Variants in PHKB observed in about 807,000 individuals in gnomAD.
PHKB encodes the protein phosphorylase kinase regulatory subunit beta.
Under a neutral mutation model 152.1 loss-of-function variants are expected in PHKB, and 122 were observed. The observed-to-expected ratio is 0.80, with a 90% CI of 0.69 to 0.93. PHKB has a LOEUF of 0.93. Ranked by LOEUF, PHKB falls within the 40% of genes least tolerant of loss-of-function variation. The pLI, the probability that PHKB is intolerant of heterozygous loss-of-function variation, is 0.00. For missense variants in PHKB, 1,304 were observed against 1,328.4 expected, an observed-to-expected ratio of 0.98 and a Z score of 0.29; for synonymous variants, 436 against 464.9, an observed-to-expected ratio of 0.94 and a Z score of 0.80.
intron 14 of PHKB, among the ~76,000 whole-genome samples, chr16:47,618,523 T>G (rs1318494315): frequency 6.6e-6 from 1 of 152,174 alleles, no homozygotes; most frequent in Admixed American, 6.5e-5. Context: ...GAGTAGATAT[T>G]TACTAAATAA....
chr16:47,599,933 A>G (rs1972192321), intron 13 of PHKB, among the ~76,000 whole-genome samples: 1 of 152,214 alleles, frequency 6.6e-6, no homozygotes, highest in Non-Finnish European at 1.5e-5. Context: ...GATTTTCATT[A>G]AGATTCCAGA....
At chr16:47,667,196 C>T (rs1973553590) in intron 25 of PHKB, among the ~76,000 whole-genome samples, 1 of 151,906 alleles carries the variant, frequency 6.6e-6, no homozygotes, top group Non-Finnish European at 1.5e-5. Context: ...ACTTTGGGGG[C>T]CAAGGCGGGA....
At chr16:47,531,261 T>A (rs1246809221) in intron 6 of PHKB, among the ~76,000 whole-genome samples, 1 of 152,216 alleles carries the variant, frequency 6.6e-6, no homozygotes, top group East Asian at 1.9e-4. Context: ...ATAAAAGATA[T>A]TGGAAGCCAC....
At chr16:47,569,169 A>G (rs1419460559) in intron 7 of PHKB, among the ~76,000 whole-genome samples, 2 of 152,198 alleles carry the variant, frequency 1.3e-5, no homozygotes, top group African/African-American at 4.8e-5. Context: ...TCTTAGGTCT[A>G]GCAGAATTTG....
At chr16:47,605,248 C>G (rs943749577) in intron 13 of PHKB, among the ~76,000 whole-genome samples, 3 of 152,108 alleles carry the variant, frequency 2.0e-5, no homozygotes, top group Non-Finnish European at 4.4e-5. Context: ...TACTGGGCAT[C>G]ATGTATAAGA....
intron 7 of PHKB, among the ~76,000 whole-genome samples, chr16:47,573,981 G>A (rs1971707683): frequency 6.6e-6 from 1 of 152,054 alleles, no homozygotes; most frequent in Admixed American, 6.5e-5. Flanking sequence ...TTGCAGTGGT[G>A]CGATCTTGGC....
At chr16:47,614,245 A>T (rs1972477886) in intron 14 of PHKB, among the ~76,000 whole-genome samples, 1 of 152,126 alleles carries the variant, frequency 6.6e-6, no homozygotes, top group Non-Finnish European at 1.5e-5. Context: ...ATGGTGCTAA[A>T]CCATTCATGA....
At chr16:47,552,878 A>G (rs546705068) in intron 7 of PHKB, among the ~76,000 whole-genome samples, 11 of 152,242 alleles carry the variant, frequency 7.2e-5, no homozygotes, top group African/African-American at 2.2e-4. Context: ...CTCTCCTGGC[A>G]TGTAGGGTTT....
chr16:47,693,545 T>G (rs1974099662), intron 28 of PHKB, 38 bp downstream of exon 28: 2 of 1,609,686 alleles, frequency 1.2e-6, no homozygotes, highest in East Asian at 4.5e-5. Flanking sequence ...AAAGGAGACT[T>G]CGCAAAGGGT....
At chr16:47,619,240 A>G (rs1972575583) in intron 14 of PHKB, 1 of 152,236 alleles carries the variant, frequency 6.6e-6, no homozygotes, top group Non-Finnish European at 1.5e-5. Flanking sequence ...GAAGGAGGGA[A>G]TGTCAAGCAT....
At chr16:47,563,416 TCTC>T (rs1971509512) in intron 7 of PHKB, among the ~76,000 whole-genome samples, 2 of 152,118 alleles carry the variant, frequency 1.3e-5, no homozygotes, top group East Asian at 3.9e-4. Flanking sequence ...AAAACATTAA[TCTC>T]CTTGTGCATC....
chr16:47,614,074 G>T (rs1295958353), intron 14 of PHKB, among the ~76,000 whole-genome samples: 1 of 152,192 alleles, frequency 6.6e-6, no homozygotes, highest in Non-Finnish European at 1.5e-5. Context: ...GGTTCCACAG[G>T]CTGTACAGGA....
At chr16:47,471,142 GAAGTGAT>G (rs1969760575) in intron 1 of PHKB, among the ~76,000 whole-genome samples, 1 of 152,164 alleles carries the variant, frequency 6.6e-6, no homozygotes, top group South Asian at 2.1e-4. Context: ...AGCCTCTCTG[GAAGTGAT>G]ATTTAACTCC....
At chr16:47,657,915 A>G (rs899106405) in intron 20 of PHKB, among the ~76,000 whole-genome samples, 2 of 152,268 alleles carry the variant, frequency 1.3e-5, no homozygotes, top group East Asian at 1.9e-4. Flanking sequence ...CTTCAGTGCT[A>G]TTATCATGGT....
Position 47,587,541 on chromosome 16 carries a change from T to C in PHKB, c.775-127T>C, listed in dbSNP as rs563365659. 1.8e-5 allele frequency: 12 copies of C among 668,468 alleles called. No individual in the cohort carries two copies. In the East Asian group the frequency reaches 3.0e-4, roughly 17 times the overall value. 41.4% of individuals were successfully genotyped at this position (668,468 alleles called of 1,614,324 possible). ...TGAAAGTACAAACAAAATTTAAATCTTCTGGAACTCCACACTCAAGATGCA... is the reference window on the plus strand; with the variant it reads ...TGAAAGTACAAACAAAATTTAAATCCTCTGGAACTCCACACTCAAGATGCA... On this transcript the variant is annotated intron_variant, in intron 8 of 30. Transcript: ENST00000323584.
rs376583440 is a variant in PHKB at position 47,600,859 on chromosome 16, T to C, written c.1363+4328T>C. ...TTGTATTTATTGCATTAAAAATCAC[T>C]TGAGGCTGGGTGCAGTGGCTCACGC... On this transcript the variant is annotated intron_variant, in intron 13 of 30. Transcript: ENST00000323584. Among the ~76,000 whole-genome samples the C allele has an allele frequency of 3.1e-4, 47 of 152,366 alleles. No individual in the cohort carries two copies. The East Asian group carries it at 4.6e-3, about 15-fold the overall frequency.
chr16:47,463,647 G>T, intron 1 of PHKB: 1 of 429,450 alleles, frequency 2.3e-6, no homozygotes, highest in South Asian at 2.2e-5. Flanking sequence ...CACAACAGAG[G>T]ATACTACTTT....
intron 1 of PHKB, among the ~76,000 whole-genome samples, chr16:47,486,076 A>G (rs557950347): frequency 2.0e-5 from 3 of 152,140 alleles, no homozygotes; most frequent in African/African-American, 7.2e-5. Context: ...CATGTATTAG[A>G]TATTGTTCCT....
intron 9 of PHKB, 125 bp from the exon 10 acceptor site, chr16:47,588,780 G>A: frequency 1.3e-6 from 1 of 768,918 alleles, no homozygotes. Context: ...GTCTGATCCT[G>A]GGAGCAGAGC....
Sources: allele counts gnomAD v4.1 joint callset (sites outside exome capture counted in the v4.1 genomes callset), GRCh38; gene constraint gnomAD v4.1.1; transcripts MANE v1.5; gene names NCBI Gene and HGNC (gene_info 2026-07-23, HGNC 2026-07-21).